Variants in EYS observed in about 807,000 individuals in gnomAD.
EYS encodes the protein EGF-like photoreceptor maintenance factor.
Under a neutral mutation model 282.1 loss-of-function variants are expected in EYS, and 250 were observed. That is an observed-to-expected ratio of 0.89 (90% CI 0.80 to 0.98). The LOEUF is 0.98. EYS is among the 50% of genes least tolerant of loss of function. EYS has a pLI of 0.00. For synonymous variants in EYS, 1,355 were observed against 1,282.9 expected, an observed-to-expected ratio of 1.06 and a Z score of -1.20; for missense variants, 4,016 against 3,709.0, an observed-to-expected ratio of 1.08 and a Z score of -2.15.
chr6:65,273,977 TA>T (rs767266929), intron 12 of EYS, among the ~76,000 whole-genome samples: 9 of 152,120 alleles, frequency 5.9e-5, no homozygotes, highest in Non-Finnish European at 1.2e-4. Context: ...TCAGGAGACA[TA>T]AAACATCACT....
chr6:64,697,847 C>G (rs928982470), intron 22 of EYS, among the ~76,000 whole-genome samples: 2 of 152,036 alleles, frequency 1.3e-5, no homozygotes, highest in Non-Finnish European at 2.9e-5. Flanking sequence ...GCGGCTGAGG[C>G]AGGATAATCA....
intron 26 of EYS, among the ~76,000 whole-genome samples, chr6:64,575,267 A>G (rs34197527): frequency 0.12 from 19,005 of 152,194 alleles, 1,289 homozygotes; most frequent in East Asian, 0.27. Context: ...TTTAGAAAGT[A>G]AAACATGAAA....
chr6:65,385,745 G>C (rs1453187458), intron 7 of EYS, among the ~76,000 whole-genome samples: 4 of 151,882 alleles, frequency 2.6e-5, no homozygotes, highest in Admixed American at 2.0e-4. Context: ...CATAGATGAA[G>C]ACCTTTATGT....
At chr6:65,530,631 AT>A (rs369221298) in intron 2 of EYS, among the ~76,000 whole-genome samples, 2,427 of 152,194 alleles carry the variant, frequency 0.016, 59 homozygotes, top group African/African-American at 0.055. Context: ...TTCATGACTC[AT>A]TTTTTTCTTA....
At position 63,863,323 on chromosome 6, in the gene EYS, T is replaced by C. The variant is rs539334672; in HGVS notation, c.7228+863A>G. 2.0e-5 allele frequency among the ~76,000 whole-genome samples: 3 copies of C among 152,356 alleles called. No homozygotes were observed. In the South Asian group the frequency reaches 6.2e-4, roughly 32 times the overall value. ...AGGCAATTTTTTTCTTAAAATCTTATATTAGAGCATCTTGCAGCTTTTTGT... is the reference window on the plus strand; with the variant it reads ...AGGCAATTTTTTTCTTAAAATCTTACATTAGAGCATCTTGCAGCTTTTTGT... On this transcript the variant is annotated intron_variant, in intron 36 of 42. Transcript: ENST00000503581.
chr6:64,391,396 A>G (rs1241103650), intron 28 of EYS, among the ~76,000 whole-genome samples: 2 of 152,324 alleles, frequency 1.3e-5, no homozygotes, highest in East Asian at 3.9e-4. Context: ...TTACCCTCCA[A>G]GGGAAGCCCA....
rs181426479 is a variant in EYS, at chr6:63,737,571, C to T, written c.8072-10891G>A. Among the ~76,000 whole-genome samples the T allele has an allele frequency of 4.4e-3, 662 of 152,150 alleles. 1 individual carries two copies. Among genetic ancestry groups the T allele is most frequent in the Non-Finnish European group, 7.5e-3 (508 of 67,992 alleles). On this transcript the variant is annotated intron_variant, in intron 41 of 42. Transcript: ENST00000503581. Reference sequence around the variant, plus strand: ...TCTCTTTTTTGGTTGTGTCCCTGCCCGGCTTTGGTATCAGGATGATGCTGG... The same window carrying T: ...TCTCTTTTTTGGTTGTGTCCCTGCCTGGCTTTGGTATCAGGATGATGCTGG...
chr6:65,271,128 T>TATATATATATA (rs1554174612), intron 12 of EYS, among the ~76,000 whole-genome samples: 1 of 55,788 alleles, frequency 1.8e-5, no homozygotes, highest in African/African-American at 5.3e-5. Flanking sequence ...AATCAATAGA[T>TATATATATATA]TATATATATA....
chr6:64,316,251 T>G (rs1007071897), intron 29 of EYS, among the ~76,000 whole-genome samples: 8 of 152,130 alleles, frequency 5.3e-5, no homozygotes, highest in African/African-American at 1.9e-4. Context: ...TACAGGGTAT[T>G]CAATTAGGAA....
intron 30 of EYS, among the ~76,000 whole-genome samples, chr6:64,256,449 C>T (rs1231894939): frequency 2.0e-5 from 3 of 151,978 alleles, no homozygotes; most frequent in Non-Finnish European, 4.4e-5. Context: ...TATGTGGAAA[C>T]CACTTATACT....
rs574127501 is a variant in EYS, at chr6:64,684,859, G to C, written c.3444-58614C>G. Among the ~76,000 whole-genome samples, 3 of 151,810 alleles carry C rather than the reference G, an allele frequency of 2.0e-5. No homozygotes were observed. In the East Asian group the frequency reaches 5.8e-4, roughly 29 times the overall value. ...CTTTCAGTTAACTGAAAAGAAGACA[G>C]AATAGGAAGTAAATTATCAATACCA... is the stretch of plus-strand genomic sequence containing the variant. On this transcript the variant is annotated intron_variant, in intron 22 of 42. Transcript: ENST00000503581.
chr6:64,442,374 T>C (rs1029253313), intron 26 of EYS, among the ~76,000 whole-genome samples: 6 of 152,140 alleles, frequency 3.9e-5, no homozygotes, highest in African/African-American at 1.2e-4. Context: ...AAGCAGAGCA[T>C]AAAAGTTCAG....
chr6:64,682,462 G>A (rs74572547), intron 22 of EYS, among the ~76,000 whole-genome samples: 4,358 of 152,238 alleles, frequency 0.029, 129 homozygotes, highest in East Asian at 0.15. Flanking sequence ...ACTGTTGCAC[G>A]AAAGTGTTAA....
chr6:63,797,110 T>G (rs1207550866), intron 37 of EYS: 2 of 152,192 alleles, frequency 1.3e-5, no homozygotes, highest in African/African-American at 4.8e-5. Context: ...ATCTTTTGAT[T>G]AAATATTCTT....
intron 30 of EYS, among the ~76,000 whole-genome samples, chr6:64,296,540 G>A: frequency 1.2e-4 from 1 of 8,604 alleles, no homozygotes; most frequent in African/African-American, 2.1e-4. Flanking sequence ...TGTACTGGCA[G>A]AATATATATA....
At chr6:63,840,287 A>G (rs887007322) in intron 36 of EYS, among the ~76,000 whole-genome samples, 42 of 151,174 alleles carry the variant, frequency 2.8e-4, no homozygotes, top group African/African-American at 9.2e-4. Flanking sequence ...GATGGTCTCC[A>G]TCTCTTGACC....
chr6:64,372,729 T>C (rs1281271777), intron 29 of EYS, among the ~76,000 whole-genome samples: 1 of 152,192 alleles, frequency 6.6e-6, no homozygotes, highest in Non-Finnish European at 1.5e-5. Context: ...TTGTCAGAGA[T>C]TTTGTTCATT....
intron 2 of EYS, among the ~76,000 whole-genome samples, chr6:65,631,007 TTGAC>T (rs751577803): frequency 7.2e-5 from 11 of 152,220 alleles, no homozygotes; most frequent in East Asian, 1.9e-4. Context: ...TTGTAAATAT[TTGAC>T]TGATGTGTAA....
chr6:65,181,784 A>G (rs575641321), intron 12 of EYS, among the ~76,000 whole-genome samples: 117 of 152,224 alleles, frequency 7.7e-4, no homozygotes, highest in South Asian at 6.2e-3. Context: ...CACTATTCAC[A>G]ATAGCAAAGA....
Sources: gnomAD v4.1 joint callset for allele counts (sites outside exome capture counted in the v4.1 genomes callset) on GRCh38, gnomAD v4.1.1 for gene constraint, MANE v1.5 for transcripts, NCBI Gene and HGNC (gene_info 2026-07-23, HGNC 2026-07-21) for gene names.